PAQR3: variants seen among roughly 807,000 people sequenced by gnomAD.
The protein encoded by PAQR3 is progestin and adipoQ receptor family member 3.
PAQR3 carries 39 observed loss-of-function variants against 41.7 expected under a neutral mutation model. That is an observed-to-expected ratio of 0.93 (90% CI 0.72 to 1.22). The LOEUF is 1.22. Among genes scored for constraint, PAQR3 ranks in the 50% most tolerant of loss-of-function variants. PAQR3 has a pLI of 0.00. For missense variants in PAQR3, 366 were observed against 385.6 expected, an observed-to-expected ratio of 0.95 and a Z score of 0.42; for synonymous variants, 140 against 140.6, an observed-to-expected ratio of 1.00 and a Z score of 0.03.
intron 2 of PAQR3, chr4:78,933,303 T>G (rs1234224924): frequency 2.2e-6 from 1 of 455,934 alleles, no homozygotes; most frequent in African/African-American, 2.0e-5. Context: ...AAGGCATTAT[T>G]GTATTCTAAC....
rs745670769 is a variant in PAQR3 at position 78,911,886 on chromosome 4, T to C, written c.*8653A>G. 1 of 1,613,966 alleles carries C rather than the reference T, an allele frequency of 6.2e-7. No homozygotes were observed. Among genetic ancestry groups the C allele is most frequent in the Non-Finnish European group, 8.5e-7 (1 of 1,179,880 alleles). On this transcript the variant is annotated 3_prime_UTR_variant, in exon 6 of 6. Coordinates refer to ENST00000512733, the MANE Select transcript of PAQR3 (RefSeq NM_001040202.2). ...AAAATTCACTACATGGGTCATTCCA[T>C]AGTGCAGATGTATTGAAAATGGATG... is the stretch of plus-strand genomic sequence containing the variant.
In PAQR3 at chr4:78,901,712, T is replaced by C. The variant is rs144845440; in HGVS notation, c.*836+4396A>G. ...ATAGGATAGGTGGCTCTGTGAATTATATAATGTAGTGTGGACCACCCCATT... is the reference window on the plus strand; with the variant it reads ...ATAGGATAGGTGGCTCTGTGAATTACATAATGTAGTGTGGACCACCCCATT... On this transcript the variant is annotated intron_variant and NMD_transcript_variant, in intron 11 of 12. Coordinates refer to the PAQR3 transcript ENST00000342820. Among the ~76,000 whole-genome samples, 251 of 152,330 alleles carry C rather than the reference T, an allele frequency of 1.6e-3. 1 individual carries two copies. The highest frequency in any genetic ancestry group is 5.6e-3 in the African/African-American group (231 of 41,580).
chr4:78,923,702 C>A, intron 5 of PAQR3, 155 bp downstream of exon 5: 1 of 653,882 alleles, frequency 1.5e-6, no homozygotes, highest in Non-Finnish European at 2.7e-6. Context: ...AAAGTGAAAG[C>A]CCTTTGAAAG....
chr4:78,919,048 CTA>C lies in PAQR3; in HGVS notation c.*1489_*1490del, dbSNP rs529312775. On this transcript the variant is annotated 3_prime_UTR_variant, in exon 6 of 6. Coordinates refer to ENST00000512733, the MANE Select transcript of PAQR3 (RefSeq NM_001040202.2). Reference sequence around the variant, plus strand: ...GGGGGAAATTCTCTTTGCTGAGATACTATACTAGCATGGGGAATTTATATTCC... The same window carrying C: ...GGGGGAAATTCTCTTTGCTGAGATACTACTAGCATGGGGAATTTATATTCC... 303 of 984,970 alleles carry C rather than the reference CTA, an allele frequency of 3.1e-4. 2 individuals are homozygous for C. In the African/African-American group the frequency reaches 5.0e-3, roughly 16 times the overall value. 61.0% of individuals were successfully genotyped at this position (984,970 alleles called of 1,614,324 possible). A position where few individuals can be genotyped will look rare whatever the true frequency, so the allele number is the denominator to read the frequency against.
In PAQR3 at chr4:78,912,891, G is replaced by C. The variant is rs1347176525; in HGVS notation, c.*7648C>G. ...AGAACAGAAAACATTCACTACTTTA[G>C]AAACACTTTATGCATGGCTTCTTGC... On this transcript the variant is annotated 3_prime_UTR_variant, in exon 6 of 6. Coordinates refer to ENST00000512733, the MANE Select transcript of PAQR3 (RefSeq NM_001040202.2). 1 of 152,090 alleles carries C rather than the reference G, an allele frequency of 6.6e-6. No homozygotes were observed. Among genetic ancestry groups the C allele is most frequent in the South Asian group, 2.1e-4 (1 of 4,828 alleles). The allele number at this position is 152,090 out of a possible 1,614,324, so 9.4% of individuals were successfully genotyped here.
At position 78,914,188 on chromosome 4, in the gene PAQR3, A is replaced by G. The variant is rs544112613; in HGVS notation, c.*6351T>C. The G allele has an allele frequency of 2.6e-5, 4 of 152,152 alleles. No individual in the cohort carries two copies. The highest frequency in any genetic ancestry group is 3.9e-4 in the East Asian group (2 of 5,176). 9.4% of individuals were successfully genotyped at this position (152,152 alleles called of 1,614,324 possible). On this transcript the variant is annotated 3_prime_UTR_variant, in exon 6 of 6. Coordinates refer to ENST00000512733, the MANE Select transcript of PAQR3 (RefSeq NM_001040202.2). ...TAGAAAAGGGGTAGAGGATGAACTAATGTCTCCTTCAGATGTAAACATGAA... is the reference window on the plus strand; with the variant it reads ...TAGAAAAGGGGTAGAGGATGAACTAGTGTCTCCTTCAGATGTAAACATGAA...
At position 78,914,634 on chromosome 4, in the gene PAQR3, TC is replaced by T. The variant is rs1295232728; in HGVS notation, c.*5904del. On this transcript the variant is annotated 3_prime_UTR_variant, in exon 6 of 6. Transcript: ENST00000512733. ...TAACACAGTACCTGGCACACAGCACTCAATAAAAGTTTGGCTCTATTATGGG... is the reference window on the plus strand; with the variant it reads ...TAACACAGTACCTGGCACACAGCACTAATAAAAGTTTGGCTCTATTATGGG... The T allele has an allele frequency of 1.3e-5, 2 of 151,834 alleles. No homozygotes were observed. Among genetic ancestry groups the T allele is most frequent in the African/African-American group, 4.8e-5 (2 of 41,366 alleles). The allele number at this position is 151,834 out of a possible 1,614,324, so 9.4% of individuals were successfully genotyped here. A position where few individuals can be genotyped will look rare whatever the true frequency, so the allele number is the denominator to read the frequency against.
Position 78,919,299 on chromosome 4 carries a change from T to A in PAQR3, c.*1240A>T. 1.0e-6 allele frequency: 1 copy of A among 984,238 alleles called. No homozygotes were observed. The highest frequency in any genetic ancestry group is 1.2e-6 in the Non-Finnish European group (1 of 828,946). 61.0% of individuals were successfully genotyped at this position (984,238 alleles called of 1,614,324 possible). ...AAGAAACTTGGGTAATATTTTATAC[T>A]CCAATAAACAATGTAAGTTTTTATG... On this transcript the variant is annotated 3_prime_UTR_variant, in exon 6 of 6. Coordinates refer to ENST00000512733, the MANE Select transcript of PAQR3 (RefSeq NM_001040202.2).
rs1735247845 is a variant in PAQR3, at chr4:78,917,975, T to C, written c.*2564A>G. The stretch of plus-strand genomic sequence containing the variant: ...ACCCAGTTTATTTACATAATACATA[T>C]TTTGTCATGCAGCTTACTGAATTGC... On this transcript the variant is annotated 3_prime_UTR_variant, in exon 6 of 6. Transcript: ENST00000512733. The C allele has an allele frequency of 3.0e-6, 3 of 984,132 alleles. No individual in the cohort carries two copies. In the African/African-American group the frequency reaches 5.2e-5, roughly 17 times the overall value. The allele number at this position is 984,132 out of a possible 1,614,324, so 61.0% of individuals were successfully genotyped here. A position where few individuals can be genotyped will look rare whatever the true frequency, so the allele number is the denominator to read the frequency against.
At position 78,918,850 on chromosome 4, in the gene PAQR3, A is replaced by G; in HGVS notation, c.*1689T>C. ...TATTAAAAGGCAATAAAATCATGTA[A>G]GCCAATAAGGGATGTTCTAGGAGAA... On this transcript the variant is annotated 3_prime_UTR_variant, in exon 6 of 6. Transcript: ENST00000512733. 1.0e-6 allele frequency: 1 copy of G among 984,588 alleles called. No homozygotes were observed. The highest frequency in any genetic ancestry group is 1.2e-6 in the Non-Finnish European group (1 of 829,278). The allele number at this position is 984,588 out of a possible 1,614,324, so 61.0% of individuals were successfully genotyped here.
intron 11 of PAQR3, among the ~76,000 whole-genome samples, chr4:78,903,219 T>G (rs566662232): frequency 6.6e-6 from 1 of 151,992 alleles, no homozygotes; most frequent in Non-Finnish European, 1.5e-5. Context: ...AATGGGCAAA[T>G]TCATGTTCTT....
intron 3 of PAQR3, among the ~76,000 whole-genome samples, chr4:78,928,838 A>C (rs1736517600): frequency 6.6e-6 from 1 of 152,262 alleles, no homozygotes; most frequent in African/African-American, 2.4e-5. Flanking sequence ...ATAATGTAGA[A>C]TCACTGGGAG....
chr4:78,933,303 T>C, intron 2 of PAQR3: 1 of 456,052 alleles, frequency 2.2e-6, no homozygotes, highest in Non-Finnish European at 4.4e-6. Context: ...AAGGCATTAT[T>C]GTATTCTAAC....
chr4:78,922,924 G>A (rs941485668), intron 5 of PAQR3: 10 of 456,120 alleles, frequency 2.2e-5, no homozygotes, highest in Non-Finnish European at 4.4e-5. Context: ...TACAGGTTTT[G>A]GAGACTGTTG....
At chr4:78,889,220 CAAAAA>C (rs71661191) in intron 11 of PAQR3, among the ~76,000 whole-genome samples, 1 of 53,754 alleles carries the variant, frequency 1.9e-5, no homozygotes, top group Non-Finnish European at 4.0e-5. Context: ...GACTCTGTCT[CAAAAA>C]AAAAAAAAAA....
intron 11 of PAQR3, among the ~76,000 whole-genome samples, chr4:78,902,508 T>C (rs1734060991): frequency 1.3e-5 from 2 of 150,354 alleles, no homozygotes; most frequent in South Asian, 2.1e-4. Context: ...TGGGAGATGA[T>C]GGCAGGCAGT....
Position 78,918,843 on chromosome 4 carries a change from T to C in PAQR3, c.*1696A>G, listed in dbSNP as rs544227599. On this transcript the variant is annotated 3_prime_UTR_variant, in exon 6 of 6. Transcript: ENST00000512733. ...AAATATCTATTAAAAGGCAATAAAA[T>C]CATGTAAGCCAATAAGGGATGTTCT... 6.1e-6 allele frequency: 6 copies of C among 984,614 alleles called. No individual in the cohort carries two copies. The South Asian group carries it at 1.9e-4, about 31-fold the overall frequency. 61.0% of individuals were successfully genotyped at this position (984,614 alleles called of 1,614,324 possible). A position where few individuals can be genotyped will look rare whatever the true frequency, so the allele number is the denominator to read the frequency against.
chr4:78,931,400 AAAT>A (rs1047233162), intron 2 of PAQR3, among the ~76,000 whole-genome samples: 1 of 152,016 alleles, frequency 6.6e-6, no homozygotes, highest in African/African-American at 2.4e-5. Flanking sequence ...CTGTCTCAAA[AAAT>A]AATAATAATA....
chr4:78,930,561 G>A, intron 2 of PAQR3: 1 of 310,978 alleles, frequency 3.2e-6, no homozygotes, highest in Non-Finnish European at 5.8e-6. Flanking sequence ...TAATAATGAA[G>A]GAGAAAATTT....
Sources: allele counts gnomAD v4.1 joint callset (sites outside exome capture counted in the v4.1 genomes callset), GRCh38; gene constraint gnomAD v4.1.1; transcripts MANE v1.5; gene names NCBI Gene and HGNC (gene_info 2026-07-23, HGNC 2026-07-21).